Variants in GLIS3 observed in about 807,000 individuals in gnomAD.
GLIS3 encodes GLIS family zinc finger 3.
Under a neutral mutation model 78.6 loss-of-function variants are expected in GLIS3, and 53 were observed. The observed-to-expected ratio is 0.67, with a 90% CI of 0.54 to 0.85. The LOEUF is 0.85. Among genes scored for constraint, GLIS3 ranks in the 40% least tolerant of loss-of-function variants. GLIS3 has a pLI of 0.00. For synonymous variants in GLIS3, 684 were observed against 509.9 expected (o/e 1.34, Z -4.60); for missense variants, 1,703 against 1,231.1 (o/e 1.38, Z -5.74).
chr9:4,451,754 A>G, the GLIS3 span, among the ~76,000 whole-genome samples: 19 of 152,288 alleles, frequency 1.2e-4, 1 homozygote, highest in Admixed American at 3.3e-4. Flanking sequence ...ACTACTGGGT[A>G]CATAATGAAA....
chr9:4,337,630 C>T (rs562221336), intron 2 of GLIS3, among the ~76,000 whole-genome samples: 1 of 152,108 alleles, frequency 6.6e-6, no homozygotes, highest in Non-Finnish European at 1.5e-5. Flanking sequence ...ACAAGGGCCT[C>T]AAGCATCACT....
At chr9:4,015,932 C>T (rs1033631231) in intron 4 of GLIS3, among the ~76,000 whole-genome samples, 38 of 150,956 alleles carry the variant, frequency 2.5e-4, no homozygotes, top group African/African-American at 9.0e-4. Flanking sequence ...CCACAACAAC[C>T]GTCATAACCA....
chr9:4,321,421 CAAAAAAAAAAAAAAAAAAAAAAAAAAAA>C (rs35583742), intron 2 of GLIS3, among the ~76,000 whole-genome samples: 881 of 16,376 alleles, frequency 0.054, 106 homozygotes, highest in Admixed American at 0.33. Flanking sequence ...GACTCCGTCT[CAAAAAAAAAAAAAAAAAAAAAAAAAAAA>C]AAAAAAAAAA....
chr9:4,165,746 A>C (rs532550572), intron 2 of GLIS3, among the ~76,000 whole-genome samples: 35 of 152,348 alleles, frequency 2.3e-4, no homozygotes, highest in African/African-American at 8.4e-4. Context: ...TACAGTTGGA[A>C]AGGAGAGCCT....
intron 2 of GLIS3, among the ~76,000 whole-genome samples, chr9:4,318,699 G>C (rs183479609): frequency 6.6e-6 from 1 of 152,186 alleles, no homozygotes; most frequent in Non-Finnish European, 1.5e-5. Context: ...AACAAACATA[G>C]AAGAAATGTT....
chr9:4,133,824 C>CACACACACACA lies in GLIS3; in HGVS notation c.389-7884_389-7883insTGTGTGTGTGT, dbSNP rs1586765479. Among the ~76,000 whole-genome samples, 3 of 108,892 alleles carry CACACACACACA rather than the reference C, an allele frequency of 2.8e-5. No individual in the cohort carries two copies. In the East Asian group the frequency reaches 6.8e-4, roughly 25 times the overall value. 71.4% of individuals were successfully genotyped at this position (108,892 alleles called of 152,430 possible). ...CTGATGCCTTCCTGCCCAAGACCTT[C>CACACACACACA]TACACACACACACACACACACACAC... On this transcript the variant is annotated intron_variant, in intron 2 of 10. Transcript: ENST00000381971.
intron 2 of GLIS3, among the ~76,000 whole-genome samples, chr9:4,321,169 C>T (rs1053395055): frequency 3.3e-5 from 5 of 150,976 alleles, no homozygotes; most frequent in Non-Finnish European, 2.9e-5. Context: ...GCCTGTAATC[C>T]CAGCACTTTG....
chr9:4,473,299 A>G, the GLIS3 span, among the ~76,000 whole-genome samples: 3 of 152,096 alleles, frequency 2.0e-5, no homozygotes, highest in South Asian at 6.3e-4. Context: ...TACAAAAAGT[A>G]GCTGAGCATG....
At chr9:4,235,235 G>T (rs1474011368) in intron 2 of GLIS3, among the ~76,000 whole-genome samples, 1 of 149,630 alleles carries the variant, frequency 6.7e-6, no homozygotes, top group Non-Finnish European at 1.5e-5. Flanking sequence ...GGAGGCGGAG[G>T]TTGCAGTGAT....
chr9:4,392,962 A>T, the GLIS3 span, among the ~76,000 whole-genome samples: 3 of 150,718 alleles, frequency 2.0e-5, no homozygotes, highest in Non-Finnish European at 4.4e-5. Flanking sequence ...CACATATTGG[A>T]TCTTAACTTG....
chr9:3,898,808 C>G lies in GLIS3; in HGVS notation c.2011G>C (p.Asp671His), dbSNP rs1231999187. 6.2e-7 allele frequency: 1 copy of G among 1,614,110 alleles called. No homozygotes were observed. Among genetic ancestry groups the G allele is most frequent in the Non-Finnish European group, 8.5e-7 (1 of 1,180,018 alleles). The change falls in exon 7 of 11, where the codon GAC (aspartate) becomes CAC (histidine). Residue 671 changes from aspartate to histidine, a missense_variant. By Grantham distance (81) the Asp-to-His change is moderately conservative (BLOSUM62 -1). Transcript: ENST00000381971. Reference protein sequence around the residue: ...KLRSSTELHPDLLTDCLTVQS... With the variant: ...KLRSSTELHPHLLTDCLTVQS... The stretch of plus-strand genomic sequence containing the variant: ...ACGGTGAGGCAATCTGTGAGCAGGT[C>G]TGGATGGAGCTCTGTGCTGGACCGC...
chr9:4,249,967 G>A (rs545269410), intron 2 of GLIS3, among the ~76,000 whole-genome samples: 32 of 152,336 alleles, frequency 2.1e-4, no homozygotes, highest in African/African-American at 7.5e-4. Context: ...TAGGGATGAA[G>A]CCAACTTGAC....
the GLIS3 span, among the ~76,000 whole-genome samples, chr9:4,375,714 TAAAAC>T: frequency 2.6e-5 from 4 of 152,214 alleles, no homozygotes; most frequent in African/African-American, 9.6e-5. Context: ...TATGTGCACA[TAAAAC>T]AAATGTTAAG....
At chr9:4,156,251 C>T (rs1835034311) in intron 2 of GLIS3, among the ~76,000 whole-genome samples, 1 of 152,170 alleles carries the variant, frequency 6.6e-6, no homozygotes, top group Non-Finnish European at 1.5e-5. Flanking sequence ...TCCCTCCCTT[C>T]TTCCTCCATT....
At chr9:4,413,660 T>C in the GLIS3 span, among the ~76,000 whole-genome samples, 1 of 152,088 alleles carries the variant, frequency 6.6e-6, no homozygotes, top group South Asian at 2.1e-4. Context: ...GGAACCCTAG[T>C]AGCATCCTGA....
the GLIS3 span, among the ~76,000 whole-genome samples, chr9:4,461,264 T>C: frequency 6.6e-6 from 1 of 152,316 alleles, no homozygotes; most frequent in African/African-American, 2.4e-5. Context: ...GTCAGCCTTA[T>C]ATACTCCAGA....
intron 4 of GLIS3, among the ~76,000 whole-genome samples, chr9:4,069,901 G>T (rs769575549): frequency 6.6e-6 from 1 of 151,938 alleles, no homozygotes; most frequent in Non-Finnish European, 1.5e-5. Flanking sequence ...ATCTGGAAGC[G>T]GAAGCCTGTG....
intron 6 of GLIS3, among the ~76,000 whole-genome samples, chr9:3,906,643 C>A (rs1048284547): frequency 2.2e-4 from 33 of 152,140 alleles, no homozygotes; most frequent in African/African-American, 8.0e-4. Context: ...GGCCGGACCA[C>A]GAATACCAAC....
At chr9:4,314,247 T>G (rs1391753232) in intron 2 of GLIS3, among the ~76,000 whole-genome samples, 1 of 152,192 alleles carries the variant, frequency 6.6e-6, no homozygotes, top group African/African-American at 2.4e-5. Flanking sequence ...CTGGTGTTGT[T>G]TTTTATTAAT....
Sources: allele counts gnomAD v4.1 joint callset (sites outside exome capture counted in the v4.1 genomes callset), GRCh38; gene constraint gnomAD v4.1.1; transcripts MANE v1.5; gene names NCBI Gene and HGNC (gene_info 2026-07-23, HGNC 2026-07-21).